The following NEXMIF variants were observed in gnomAD, a reference collection of about 807,000 sequenced individuals.
NEXMIF encodes the protein XLMR protein related to neurite extension.
In NEXMIF, 8 loss-of-function variants were observed where a neutral mutation model predicts 62.1. The ratio of observed to expected loss-of-function variants is 0.13; its 90% CI spans 0.08 to 0.23. The LOEUF is 0.23. NEXMIF is among the 10% of genes least tolerant of loss of function. The probability of loss-of-function intolerance (pLI) is 1.00; values close to 1 mark genes in which losing one functional copy is unlikely to be tolerated. For synonymous variants in NEXMIF, 404 were observed against 416.6 expected, an observed-to-expected ratio of 0.97 and a Z score of 0.37; for missense variants, 976 against 1,113.3, an observed-to-expected ratio of 0.88 and a Z score of 1.75.
chrX:74,829,100 G>T (rs5937901), intron 1 of NEXMIF, among the ~76,000 whole-genome samples: 3,733 of 111,350 alleles, frequency 0.034, 70 homozygotes, highest in Middle Eastern at 0.1. Context: ...TATGTTTATG[G>T]GGTACATGAG....
chrX:74,901,253 G>A (rs2080748689), intron 1 of NEXMIF, among the ~76,000 whole-genome samples: 1 of 111,966 alleles, frequency 8.9e-6, no homozygotes. Context: ...CCTGTCTATG[G>A]ATATTTCTAG....
Position 74,920,002 on chromosome X carries a change from C to T in NEXMIF, c.-48+4881G>A, listed in dbSNP as rs753917985. On this transcript the variant is annotated intron_variant, in intron 1 of 3. Coordinates refer to ENST00000055682, the MANE Select transcript of NEXMIF (RefSeq NM_001008537.3). Reference sequence around the variant, plus strand: ...AGTATTCCATGGTGTATATGTGCCACATTTTCTTAATCCAGTCTATCATTG... The same window carrying T: ...AGTATTCCATGGTGTATATGTGCCATATTTTCTTAATCCAGTCTATCATTG... 7.1e-5 allele frequency among the ~76,000 whole-genome samples: 8 copies of T among 111,989 alleles called. No individual in the cohort carries two copies. The South Asian group carries it at 3.0e-3, about 43-fold the overall frequency.
At chrX:74,768,829 A>T (rs2080201989) in intron 1 of NEXMIF, among the ~76,000 whole-genome samples, 1 of 112,307 alleles carries the variant, frequency 8.9e-6, no homozygotes, top group Non-Finnish European at 1.9e-5. Flanking sequence ...AAAAGAAAAC[A>T]CAGCAAAGCT....
chrX:74,809,375 G>A (rs2080354090), intron 1 of NEXMIF, among the ~76,000 whole-genome samples: 1 of 112,108 alleles, frequency 8.9e-6, no homozygotes, highest in Non-Finnish European at 1.9e-5. Context: ...CTACTTTAGG[G>A]AATATGAGCT....
rs1272191574 is a variant in NEXMIF at position 74,744,376 on chromosome X, G to T, written c.181C>A (p.Pro61Thr). The change falls in exon 3 of 4, where the codon CCC becomes ACC. Residue 61 changes from proline to threonine, a missense_variant. Around this residue, in one of 5 missense-constraint regions of NEXMIF, gnomAD observed 126 missense variants for 146.5 expected, o/e 0.86. Coordinates refer to ENST00000055682, the MANE Select transcript of NEXMIF (RefSeq NM_001008537.3). ...PVAQKETLMY[P>T]RGLLPLPSKK... ...GAGGGTAGAGGCAGGAGACCTCTGG[G>T]ATACATCAGGGTCTCTTTTTGTGCC... 46 of 1,208,393 alleles carry T rather than the reference G, an allele frequency of 3.8e-5. No homozygotes were observed. The highest frequency in any genetic ancestry group is 5.0e-5 in the Non-Finnish European group (45 of 894,216).
chrX:74,816,640 A>T, intron 1 of NEXMIF, among the ~76,000 whole-genome samples: 1 of 111,973 alleles, frequency 8.9e-6, no homozygotes, highest in Admixed American at 9.5e-5. Flanking sequence ...GCTTTTCAAT[A>T]ATCCTTATGC....
intron 1 of NEXMIF, among the ~76,000 whole-genome samples, chrX:74,907,957 A>G (rs753366758): frequency 9.1e-6 from 1 of 110,417 alleles, no homozygotes; most frequent in Non-Finnish European, 1.9e-5. Context: ...CACACCCTCT[A>G]CCTGAGGATC....
intron 1 of NEXMIF, among the ~76,000 whole-genome samples, chrX:74,847,119 C>T (rs2080494456): frequency 8.9e-6 from 1 of 112,171 alleles, no homozygotes; most frequent in Admixed American, 9.4e-5. Flanking sequence ...ATTTTCTCTT[C>T]TGAAAAAGCC....
chrX:74,750,485 G>A (rs768547452), intron 1 of NEXMIF, among the ~76,000 whole-genome samples: 2 of 112,078 alleles, frequency 1.8e-5, no homozygotes, highest in Non-Finnish European at 3.8e-5. Context: ...TGACAAGCAA[G>A]CTGTTACAGA....
At chrX:74,882,197 C>T (rs976118112) in intron 1 of NEXMIF, among the ~76,000 whole-genome samples, 2 of 112,156 alleles carry the variant, frequency 1.8e-5, no homozygotes, top group African/African-American at 6.5e-5. Context: ...GGAACAGCTC[C>T]GGTCTACAGC....
chrX:74,883,034 A>G (rs2080672909), intron 1 of NEXMIF, among the ~76,000 whole-genome samples: 1 of 111,937 alleles, frequency 8.9e-6, no homozygotes, highest in Admixed American at 9.5e-5. Flanking sequence ...CTAGGCAAAC[A>G]GGGTCTGGAG....
rs1238438212 is a variant in NEXMIF at position 74,741,909 on chromosome X, C to G, written c.2648G>C (p.Ser883Thr). The G allele has an allele frequency of 1.7e-6, 2 of 1,210,219 alleles. No individual in the cohort carries two copies. Among genetic ancestry groups the G allele is most frequent in the Admixed American group, 4.4e-5 (2 of 45,748 alleles). ...QSSHNFKMESSNYRNVWPNKA... is the reference protein window; with the variant it reads ...QSSHNFKMESTNYRNVWPNKA... ...GTTGGGCCACACATTTCTATAGTTG[C>G]TTGATTCCATTTTGAAGTTATGAGA... The change falls in exon 3 of 4, where the codon AGC becomes ACC. Residue 883 changes from serine to threonine, a missense_variant. Physicochemically the swap from Ser to Thr is moderately conservative, Grantham distance 58. Coordinates refer to ENST00000055682, the MANE Select transcript of NEXMIF (RefSeq NM_001008537.3).
chrX:74,836,628 C>T (rs2080457571), intron 1 of NEXMIF, among the ~76,000 whole-genome samples: 2 of 111,050 alleles, frequency 1.8e-5, no homozygotes, highest in African/African-American at 3.3e-5. Context: ...TGCCTGGTAC[C>T]CTACCCTATT....
chrX:74,745,214 C>T (rs2080122901), intron 2 of NEXMIF, among the ~76,000 whole-genome samples: 1 of 110,638 alleles, frequency 9.0e-6, no homozygotes, highest in Admixed American at 9.7e-5. Flanking sequence ...AACTCCTGAC[C>T]TCAAATGATC....
intron 1 of NEXMIF, among the ~76,000 whole-genome samples, chrX:74,866,929 T>G (rs1370682093): frequency 1.8e-5 from 2 of 112,188 alleles, no homozygotes; most frequent in Non-Finnish European, 3.8e-5. Context: ...GAGAAAGGAC[T>G]AATACACTCA....
chrX:74,824,873 C>T (rs1365974881), intron 1 of NEXMIF, among the ~76,000 whole-genome samples: 1 of 110,775 alleles, frequency 9.0e-6, no homozygotes, highest in Admixed American at 9.6e-5. Context: ...TGGTCTCTAT[C>T]TCCTGACGTC....
intron 1 of NEXMIF, among the ~76,000 whole-genome samples, chrX:74,872,932 T>G (rs1447019588): frequency 9.0e-5 from 10 of 110,597 alleles, no homozygotes; most frequent in African/African-American, 3.3e-4. Flanking sequence ...TATTTTTTTA[T>G]TTTTTATTTT....
At chrX:74,830,832 T>G (rs150851763) in intron 1 of NEXMIF, among the ~76,000 whole-genome samples, 2,647 of 111,995 alleles carry the variant, frequency 0.024, 34 homozygotes, top group South Asian at 0.066. Context: ...AGAGATTACT[T>G]TTTTATTCCT....
In NEXMIF at chrX:74,734,761, A is replaced by G. The variant is rs1281855255; in HGVS notation, c.*4644T>C. On this transcript the variant is annotated 3_prime_UTR_variant, in exon 4 of 4. Coordinates refer to ENST00000055682, the MANE Select transcript of NEXMIF (RefSeq NM_001008537.3). ...GTTACGATTCTGAAACCAAGAGTAC[A>G]TCTCAAGTATGTAGCTGCAATGGGA... 1 of 112,143 alleles carries G rather than the reference A, an allele frequency of 8.9e-6. No individual in the cohort carries two copies. The highest frequency in any genetic ancestry group is 1.9e-5 in the Non-Finnish European group (1 of 53,229). The allele number at this position is 112,143 out of a possible 1,213,427, so 9.2% of individuals were successfully genotyped here. A position where few individuals can be genotyped will look rare whatever the true frequency, so the allele number is the denominator to read the frequency against.
Sources: gnomAD v4.1 joint callset for allele counts (sites outside exome capture counted in the v4.1 genomes callset) on GRCh38, gnomAD v4.1.1 for gene constraint, gnomAD v4.1.1 regional missense constraint, MANE v1.5 for transcripts, NCBI Gene and HGNC (gene_info 2026-07-23, HGNC 2026-07-21) for gene names.